The following MYBPC2 variants were observed in gnomAD, a reference collection of about 807,000 sequenced individuals.
The protein encoded by MYBPC2 is myosin-binding protein C, fast-type.
A neutral mutation model predicts 137.0 loss-of-function variants in MYBPC2; 122 were observed. That is an observed-to-expected ratio of 0.89 (90% CI 0.77 to 1.03). The LOEUF (loss-of-function observed/expected upper bound fraction) is 1.03. Among genes scored for constraint, MYBPC2 ranks in the 50% least tolerant of loss-of-function variants. The pLI is 0.00. For synonymous variants in MYBPC2, 626 were observed against 612.3 expected, an observed-to-expected ratio of 1.02 and a Z score of -0.33; for missense variants, 1,500 against 1,534.4, an observed-to-expected ratio of 0.98 and a Z score of 0.37.
intron 27 of MYBPC2, 93 bp downstream of exon 27, chr19:50,464,625 T>C: frequency 7.4e-7 from 1 of 1,344,154 alleles, no homozygotes; most frequent in Non-Finnish European, 9.9e-7. Context: ...CGCTGAGATC[T>C]GGAGACGAGT....
At chr19:50,444,627 T>C (rs933714157) in intron 11 of MYBPC2, among the ~76,000 whole-genome samples, 1 of 152,034 alleles carries the variant, frequency 6.6e-6, no homozygotes, top group Non-Finnish European at 1.5e-5. Flanking sequence ...ACGCCTGTAA[T>C]CCTAGCACTT....
rs776489675 is a variant in MYBPC2 at position 50,458,998 on chromosome 19, C to A, written c.2587C>A (p.Pro863Thr). Reference sequence around the variant, plus strand: ...GGGCGAGCAGCTCAACCTTGTCGTCCCCTTCCAGGTCAGGGGAGCGGGGTC... The same window carrying A: ...GGGCGAGCAGCTCAACCTTGTCGTCACCTTCCAGGTCAGGGGAGCGGGGTC... ...KVGEQLNLVV[P>T]FQGKPRPQVV... The change falls in exon 22 of 28, where the codon CCC becomes ACC. Residue 863 changes from proline to threonine, a missense_variant. Coordinates refer to ENST00000357701, the MANE Select transcript of MYBPC2 (RefSeq NM_004533.4). 12 of 1,611,276 alleles carry A rather than the reference C, an allele frequency of 7.4e-6. No individual in the cohort carries two copies. The highest frequency in any genetic ancestry group is 7.6e-6 in the Non-Finnish European group (9 of 1,179,058).
At chr19:50,458,439 TTAAC>T (rs2039933912) in intron 20 of MYBPC2, 144 bp from the exon 21 acceptor site, 1 of 967,832 alleles carries the variant, frequency 1.0e-6, no homozygotes, top group East Asian at 2.6e-5. Flanking sequence ...TGATGAATGC[TTAAC>T]TAACTCCAGC....
intron 11 of MYBPC2, 30 bp downstream of exon 11, chr19:50,443,846 A>G: frequency 1.3e-6 from 2 of 1,586,118 alleles, no homozygotes; most frequent in Non-Finnish European, 1.7e-6. Context: ...TGATCTCCAT[A>G]CAGGTGCACA....
chr19:50,458,509 G>A (rs1601295838), intron 20 of MYBPC2, 78 bp from the exon 21 acceptor site: 1 of 1,538,138 alleles, frequency 6.5e-7, no homozygotes, highest in East Asian at 2.3e-5. Flanking sequence ...CGCTGCGTGG[G>A]GCCCAAGTCC....
chr19:50,440,802 C>A, intron 7 of MYBPC2, 78 bp from the exon 8 acceptor site: 1 of 1,436,796 alleles, frequency 7.0e-7, no homozygotes, highest in Non-Finnish European at 9.4e-7. Flanking sequence ...AGTCACAGAG[C>A]CAATGAGTGA....
At chr19:50,455,478 C>T (rs781383434) in intron 19 of MYBPC2, 32 bp from the exon 20 acceptor site, 15 of 1,600,506 alleles carry the variant, frequency 9.4e-6, no homozygotes, top group South Asian at 2.2e-5. Flanking sequence ...CCCCTCATTC[C>T]CCCCATATCC....
At chr19:50,440,134 G>A (rs778385404) in intron 7 of MYBPC2, among the ~76,000 whole-genome samples, 31 of 152,010 alleles carry the variant, frequency 2.0e-4, no homozygotes, top group Non-Finnish European at 3.2e-4. Flanking sequence ...GGGAGCCACA[G>A]AAGAGTTCTG....
rs772986107 is a variant in MYBPC2 at position 50,459,129 on chromosome 19, G to C, written c.2614G>C (p.Val872Leu). The stretch of plus-strand genomic sequence containing the variant: ...CCCGCAGGGAAAGCCCCGGCCCCAG[G>C]TGGTGTGGACCAAGGGCGGGGCCCC... ...VPFQGKPRPQ[V>L]VWTKGGAPLD... is the part of the protein sequence containing the mutation. The change falls in exon 23 of 28, where the codon GTG becomes CTG. Residue 872 changes from valine to leucine, a missense_variant. Val to Leu is a conservative substitution (Grantham distance 32). Transcript: ENST00000357701. 19 of 1,573,732 alleles carry C rather than the reference G, an allele frequency of 1.2e-5. No individual in the cohort carries two copies. The highest frequency in any genetic ancestry group is 4.3e-6 in the Non-Finnish European group (5 of 1,161,802).
chr19:50,436,452 G>A (rs986187349), intron 4 of MYBPC2, among the ~76,000 whole-genome samples, 165 bp from the exon 5 acceptor site: 15 of 152,348 alleles, frequency 9.8e-5, no homozygotes, highest in Admixed American at 9.8e-4. Context: ...CAGATATGAG[G>A]AGACAGAGCT....
rs1392192865 is a variant in MYBPC2, at chr19:50,441,078, T to G, written c.769+2T>G. 6.3e-7 allele frequency: 1 copy of G among 1,582,538 alleles called. No individual in the cohort carries two copies. Among genetic ancestry groups the G allele is most frequent in the East Asian group, 2.3e-5 (1 of 42,944 alleles). ...AGGTCGAGGTCAAGAAGAGTGCAGG[T>G]CAGCCCTGGTCTGGGGGGAGCTGGG... On this transcript the variant is annotated splice_donor_variant, in intron 8 of 27. Transcript: ENST00000357701. LOFTEE classifies it high-confidence loss of function.
At chr19:50,459,851 A>T (rs2039954972) in intron 23 of MYBPC2, among the ~76,000 whole-genome samples, 189 bp from the exon 24 acceptor site, 1 of 146,292 alleles carries the variant, frequency 6.8e-6, no homozygotes, top group African/African-American at 2.5e-5. Context: ...AGAGGAGGTG[A>T]GGAGGGATGA....
chr19:50,458,843 G>C lies in MYBPC2; in HGVS notation c.2507-75G>C, dbSNP rs1165851881. ...GTGTCGTCGACAGGACCTCCCCAGA[G>C]AGCCTTATCACCATTGGCCCCTGGA... On this transcript the variant is annotated intron_variant, in intron 21 of 27. Coordinates refer to ENST00000357701, the MANE Select transcript of MYBPC2 (RefSeq NM_004533.4). The C allele has an allele frequency of 8.1e-6, 13 of 1,595,546 alleles. No homozygotes were observed. The East Asian group carries it at 2.3e-4, about 28-fold the overall frequency.
At chr19:50,451,496 C>CGGGCGGGG (rs1321417242) in intron 15 of MYBPC2, among the ~76,000 whole-genome samples, 187 bp downstream of exon 15, 10 of 99,372 alleles carry the variant, frequency 1.0e-4, no homozygotes, top group Non-Finnish European at 6.1e-5. Context: ...GGGGAGCTGA[C>CGGGCGGGG]AGACGGGGTG....
intron 20 of MYBPC2, among the ~76,000 whole-genome samples, 157 bp from the exon 21 acceptor site, chr19:50,458,430 G>A (rs1229260552): frequency 6.6e-6 from 1 of 151,428 alleles, no homozygotes; most frequent in Non-Finnish European, 1.5e-5. Flanking sequence ...ACCTGGCCAT[G>A]ATGAATGCTT....
intron 11 of MYBPC2, among the ~76,000 whole-genome samples, chr19:50,444,560 G>A (rs960085482): frequency 6.6e-6 from 1 of 152,032 alleles, no homozygotes; most frequent in Non-Finnish European, 1.5e-5. Context: ...ACTCTTCTAC[G>A]TATCAGAGAT....
At position 50,460,113 on chromosome 19, in the gene MYBPC2, C is replaced by T. The variant is rs747008422; in HGVS notation, c.2865C>T (p.Ala955=). Residue 955 remains alanine, a synonymous_variant, in exon 24 of 28, where the codon GCC becomes GCT. Coordinates refer to ENST00000357701, the MANE Select transcript of MYBPC2 (RefSeq NM_004533.4). Reference sequence around the variant, plus strand: ...CGAACGCGCTGGTGGAGTGGCAGGCCCCCAAAGATGATGGGAACAGTGAGA... The same window carrying T: ...CGAACGCGCTGGTGGAGTGGCAGGCTCCCAAAGATGATGGGAACAGTGAGA... ...WGTNALVEWQ[A]PKDDGNSEIM... 3 of 1,575,570 alleles carry T rather than the reference C, an allele frequency of 1.9e-6. No individual in the cohort carries two copies. Among genetic ancestry groups the T allele is most frequent in the Admixed American group, 1.9e-5 (1 of 52,754 alleles).
At chr19:50,459,061 T>C in intron 22 of MYBPC2, 50 bp from the exon 23 acceptor site, 1 of 1,561,978 alleles carries the variant, frequency 6.4e-7, no homozygotes, top group Non-Finnish European at 8.7e-7. Flanking sequence ...AGCCCCCTTT[T>C]TGCGGGTGGA....
chr19:50,461,663 C>G lies in MYBPC2; in HGVS notation c.3053C>G (p.Pro1018Arg). The G allele has an allele frequency of 6.2e-7, 1 of 1,613,496 alleles. No individual in the cohort carries two copies. The highest frequency in any genetic ancestry group is 8.5e-7 in the Non-Finnish European group (1 of 1,179,814). Reference sequence around the variant, plus strand: ...AACATCTGTGGGCTCAGTGACTCACCTGGTGTCTCCAAGAACACGGCCCGC... The same window carrying G: ...AACATCTGTGGGCTCAGTGACTCACGTGGTGTCTCCAAGAACACGGCCCGC... ...TENICGLSDSPGVSKNTARIL... is the reference protein window; with the variant it reads ...TENICGLSDSRGVSKNTARIL... The change falls in exon 25 of 28, where the codon CCT becomes CGT. Residue 1018 changes from proline to arginine, a missense_variant. Coordinates refer to ENST00000357701, the MANE Select transcript of MYBPC2 (RefSeq NM_004533.4).
Sources: allele counts gnomAD v4.1 joint callset (sites outside exome capture counted in the v4.1 genomes callset), GRCh38; gene constraint gnomAD v4.1.1; transcripts MANE v1.5; gene names NCBI Gene and HGNC (gene_info 2026-07-23, HGNC 2026-07-21).